Variants in CEP104 observed in about 807,000 individuals in gnomAD.
CEP104 encodes the protein centrosomal protein of 104 kDa.
Under a neutral mutation model 113.3 loss-of-function variants are expected in CEP104, and 84 were observed. That is an observed-to-expected ratio of 0.74 (90% CI 0.62 to 0.89). The LOEUF (loss-of-function observed/expected upper bound fraction) is 0.89. Among genes scored for constraint, CEP104 ranks in the 40% least tolerant of loss-of-function variants. CEP104 has a pLI of 0.00. For synonymous variants in CEP104, 378 were observed against 421.7 expected (o/e 0.90, Z 1.27); for missense variants, 1,053 against 1,156.6 (o/e 0.91, Z 1.30).
chr1:3,829,943 G>A lies in CEP104; in HGVS notation c.1891C>T (p.Arg631Ter), dbSNP rs1644169357. The A allele has an allele frequency of 2.5e-6, 4 of 1,614,136 alleles. No individual in the cohort carries two copies. Among genetic ancestry groups the A allele is most frequent in the Non-Finnish European group, 3.4e-6 (4 of 1,180,034 alleles). ...RVYEVRETAV[R>*]IILDMYRQHQ... Reference sequence around the variant, plus strand: ...TGTCTGTACATGTCCAAAATAATTCGAACCGCCGTCTCGCGGACCTCATAC... The same window carrying A: ...TGTCTGTACATGTCCAAAATAATTCAAACCGCCGTCTCGCGGACCTCATAC... Residue 631 changes from arginine to a stop codon, truncating the protein, a stop_gained, in exon 14 of 22, where the codon CGA (arginine) becomes TGA (stop). Coordinates refer to ENST00000378230, the MANE Select transcript of CEP104 (RefSeq NM_014704.4). LOFTEE classifies it high-confidence loss of function.
chr1:3,856,526 T>C (rs1264254704), intron 1 of CEP104, among the ~76,000 whole-genome samples: 1 of 152,182 alleles, frequency 6.6e-6, no homozygotes, highest in Non-Finnish European at 1.5e-5. Flanking sequence ...ACAGAGCAAT[T>C]TTCCTCAAAC....
Position 3,836,674 on chromosome 1 carries a change from C to G in CEP104, c.1138G>C (p.Asp380His). 1 of 1,613,684 alleles carries G rather than the reference C, an allele frequency of 6.2e-7. No individual in the cohort carries two copies. Among genetic ancestry groups the G allele is most frequent in the Non-Finnish European group, 8.5e-7 (1 of 1,180,006 alleles). ...CGAATAGCTGGAAGAGGCCGCTCAT[C>G]GTAGGGCAGGGACTCTGCCTGCAGT... ...PKINAESLPY[D>H]ERPLPAIRKH... Residue 380 changes from aspartate (D) to histidine (H), a missense_variant, in exon 10 of 22, where the codon GAT (aspartate) becomes CAT (histidine). Transcript: ENST00000378230.
At chr1:3,844,560 T>C (rs1164640210) in intron 6 of CEP104, among the ~76,000 whole-genome samples, 2 of 151,804 alleles carry the variant, frequency 1.3e-5, no homozygotes, top group African/African-American at 4.8e-5. Flanking sequence ...TAGCTGGGCA[T>C]GATGGCAGGC....
chr1:3,822,826 T>C (rs956068519), intron 20 of CEP104: 11 of 224,498 alleles, frequency 4.9e-5, no homozygotes, highest in Admixed American at 1.5e-4. Flanking sequence ...GACCGCAGTG[T>C]TACAGAATCT....
chr1:3,815,893 C>T (rs188978568), intron 21 of CEP104, among the ~76,000 whole-genome samples: 5 of 152,242 alleles, frequency 3.3e-5, no homozygotes, highest in African/African-American at 7.2e-5. Context: ...AGGCTCATCT[C>T]GAACTCCTGA....
rs1644264110 is a variant in CEP104, at chr1:3,833,970, C to A, written c.1551G>T (p.Leu517=). Residue 517 remains leucine (L), a synonymous_variant, in exon 12 of 22, where the codon CTG becomes CTT. Coordinates refer to ENST00000378230, the MANE Select transcript of CEP104 (RefSeq NM_014704.4). ...CACAGTGAGCTGTTTCAAGTTTACT[C>A]AGTTTATGTTTAGGAATATATTGTG... ...IITQYIPKHK[L]SKLETAHCVE... The A allele has an allele frequency of 1.9e-6, 3 of 1,613,216 alleles. No homozygotes were observed. The highest frequency in any genetic ancestry group is 1.7e-5 in the Admixed American group (1 of 60,008).
rs1412883176 is a variant in CEP104, at chr1:3,813,266, T to TC, written c.*2135_*2136insG. Reference sequence around the variant, plus strand: ...TTCTCTCCTTATACTTTTTTTTTTTTTCGAGACGGAGTCTCGCTCTGTCGC... The same window carrying TC: ...TTCTCTCCTTATACTTTTTTTTTTTTCTCGAGACGGAGTCTCGCTCTGTCGC... On this transcript the variant is annotated 3_prime_UTR_variant, in exon 22 of 22. Transcript: ENST00000378230. 6.8e-6 allele frequency: 1 copy of TC among 146,878 alleles called. No individual in the cohort carries two copies. Among genetic ancestry groups the TC allele is most frequent in the Non-Finnish European group, 1.5e-5 (1 of 66,808 alleles). The allele number at this position is 146,878 out of a possible 1,614,324, so 9.1% of individuals were successfully genotyped here.
chr1:3,844,472 T>A (rs1368027484), intron 6 of CEP104, among the ~76,000 whole-genome samples: 1 of 151,990 alleles, frequency 6.6e-6, no homozygotes, highest in Non-Finnish European at 1.5e-5. Flanking sequence ...CACTCCAGCC[T>A]GGCGACAGAG....
intron 16 of CEP104, 70 bp downstream of exon 16, chr1:3,826,638 A>G: frequency 1.3e-6 from 2 of 1,557,392 alleles, no homozygotes; most frequent in Non-Finnish European, 1.8e-6. Flanking sequence ...TGGAGCTTCC[A>G]TGACATGCAT....
intron 14 of CEP104, 78 bp from the exon 15 acceptor site, chr1:3,829,451 C>A: frequency 5.4e-6 from 5 of 926,106 alleles, no homozygotes; most frequent in Admixed American, 2.5e-5. Context: ...TATGGCATAT[C>A]AACTATATTT....
chr1:3,849,266 CTTTTT>C (rs59794257), intron 2 of CEP104, among the ~76,000 whole-genome samples: 5 of 127,352 alleles, frequency 3.9e-5, no homozygotes, highest in Non-Finnish European at 5.1e-5. Context: ...AGTGACATAA[CTTTTT>C]TTTTTTTTTT....
Position 3,844,945 on chromosome 1 carries a change from G to C in CEP104, c.528C>G (p.His176Gln), listed in dbSNP as rs763529599. The C allele has an allele frequency of 9.9e-6, 16 of 1,614,030 alleles. No individual in the cohort carries two copies. The highest frequency in any genetic ancestry group is 1.2e-5 in the Non-Finnish European group (14 of 1,180,014). Reference sequence around the variant, plus strand: ...CTTCTAGAGCAGGGTCCTCGCTGTTGTGCCCAAGGTAGTGGTCAATCAACT... The same window carrying C: ...CTTCTAGAGCAGGGTCCTCGCTGTTCTGCCCAAGGTAGTGGTCAATCAACT... The part of the protein sequence containing the change: ...REKLIDHYLG[H>Q]NSEDPALEGT... Residue 176 changes from histidine to glutamine, a missense_variant, in exon 6 of 22, where the codon CAC becomes CAG. His to Gln is a conservative substitution (Grantham distance 24, BLOSUM62 0). Coordinates refer to ENST00000378230, the MANE Select transcript of CEP104 (RefSeq NM_014704.4).
intron 13 of CEP104, 150 bp from the exon 14 acceptor site, chr1:3,830,147 G>A (rs1261925119): frequency 3.2e-6 from 2 of 622,462 alleles, no homozygotes; most frequent in South Asian, 2.0e-5. Flanking sequence ...AAAACCTCAC[G>A]GATCTACCGT....
At chr1:3,838,609 G>T in intron 8 of CEP104, among the ~76,000 whole-genome samples, 1 of 152,298 alleles carries the variant, frequency 6.6e-6, no homozygotes, top group East Asian at 1.9e-4. Context: ...TTAGCATTAC[G>T]TTCTCACTTG....
intron 20 of CEP104, among the ~76,000 whole-genome samples, chr1:3,821,689 A>T (rs1643975980): frequency 6.6e-6 from 1 of 152,198 alleles, no homozygotes; most frequent in Non-Finnish European, 1.5e-5. Context: ...GCCTGTGCAC[A>T]CCTGATGAGG....
chr1:3,856,696 C>T (rs925332843), intron 1 of CEP104, among the ~76,000 whole-genome samples, 193 bp downstream of exon 1: 2 of 152,142 alleles, frequency 1.3e-5, no homozygotes, highest in Non-Finnish European at 2.9e-5. Context: ...TACGGCACGA[C>T]GGGGCCGCGC....
intron 9 of CEP104, chr1:3,836,899 T>C (rs532590915): frequency 2.1e-5 from 12 of 577,322 alleles, no homozygotes; most frequent in Non-Finnish European, 3.6e-5. Flanking sequence ...TATTACTTTC[T>C]AAACTCATTA....
Position 3,852,288 on chromosome 1 carries a change from T to G in CEP104, c.113+7A>C, listed in dbSNP as rs765246713. The G allele has an allele frequency of 1.2e-6, 2 of 1,612,824 alleles. No individual in the cohort carries two copies. The highest frequency in any genetic ancestry group is 2.2e-5 in the South Asian group (2 of 91,018). ...CCAGCCCAAGCCCCGCCCCGTCCAG[T>G]CCTCACCTAGGTGACCGCCACCCAC... On this transcript the variant is annotated splice_region_variant and intron_variant, in intron 2 of 21. Coordinates refer to ENST00000378230, the MANE Select transcript of CEP104 (RefSeq NM_014704.4).
chr1:3,828,639 G>A (rs1034162773), intron 15 of CEP104, among the ~76,000 whole-genome samples: 5 of 152,148 alleles, frequency 3.3e-5, no homozygotes, highest in Admixed American at 3.3e-4. Flanking sequence ...TGGCACGGCT[G>A]AAAACTCAGG....
Sources: gnomAD v4.1 joint callset for allele counts (sites outside exome capture counted in the v4.1 genomes callset) on GRCh38, gnomAD v4.1.1 for gene constraint, MANE v1.5 for transcripts, NCBI Gene and HGNC (gene_info 2026-07-23, HGNC 2026-07-21) for gene names.